The following PKN2 variants were observed in gnomAD, a reference collection of about 807,000 sequenced individuals.
The protein encoded by PKN2 is protein kinase N2.
A neutral mutation model predicts 119.1 loss-of-function variants in PKN2; 38 were observed. The ratio of observed to expected loss-of-function variants is 0.32; its 90% CI spans 0.25 to 0.42. The LOEUF (loss-of-function observed/expected upper bound fraction) is 0.42. PKN2 is among the 10% of genes least tolerant of loss of function. PKN2 has a pLI of 1.00. For missense variants in PKN2, 850 were observed against 1,165.1 expected, an observed-to-expected ratio of 0.73 and a Z score of 3.94; for synonymous variants, 390 against 384.9, an observed-to-expected ratio of 1.01 and a Z score of -0.15.
intron 2 of PKN2, among the ~76,000 whole-genome samples, chr1:88,749,477 T>C (rs2100760545): frequency 6.6e-6 from 1 of 152,262 alleles, no homozygotes; most frequent in Admixed American, 6.5e-5. Context: ...TTAAGAAAGC[T>C]TAAACCAGAG....
chr1:88,755,273 A>G (rs1669152796), intron 2 of PKN2, among the ~76,000 whole-genome samples: 1 of 152,200 alleles, frequency 6.6e-6, no homozygotes, highest in South Asian at 2.1e-4. Context: ...CTCAAATTTA[A>G]CGTACAAGGA....
intron 1 of PKN2, among the ~76,000 whole-genome samples, chr1:88,723,895 C>T (rs1667793108): frequency 6.6e-6 from 1 of 152,108 alleles, no homozygotes; most frequent in Admixed American, 6.6e-5. Flanking sequence ...GCCTTCTCAT[C>T]TATTTTTTCT....
In PKN2 at chr1:88,820,182, ATATATATATATATATATATATAT is replaced by A. The variant is rs1672193766; in HGVS notation, c.2280-1758_2280-1736del. Among the ~76,000 whole-genome samples the A allele has an allele frequency of 3.6e-3, 29 of 8,144 alleles. 1 individual carries two copies. The South Asian group carries it at 0.14, about 38-fold the overall frequency. 5.3% of individuals were successfully genotyped at this position (8,144 alleles called of 152,430 possible). On this transcript the variant is annotated intron_variant, in intron 16 of 21. Coordinates refer to ENST00000370521, the MANE Select transcript of PKN2 (RefSeq NM_006256.4). ...ATCAAACAAATCTTTTCAGAAACCTATATATATATATATATATATATATATATATATATATATATATATATATA... is the reference window on the plus strand; with the variant it reads ...ATCAAACAAATCTTTTCAGAAACCTAATATATATATATATATATATATATA...
At chr1:88,714,800 C>G (rs1455408030) in intron 1 of PKN2, among the ~76,000 whole-genome samples, 1 of 152,144 alleles carries the variant, frequency 6.6e-6, no homozygotes, top group African/African-American at 2.4e-5. Flanking sequence ...CCAGAACTTC[C>G]AATGCTGTGT....
intron 1 of PKN2, among the ~76,000 whole-genome samples, chr1:88,715,254 C>T (rs1281963197): frequency 6.6e-6 from 1 of 152,006 alleles, no homozygotes; most frequent in East Asian, 1.9e-4. Context: ...TGTATCTCTG[C>T]CAGGCTTTGC....
chr1:88,782,638 C>G (rs1670392883), intron 6 of PKN2, among the ~76,000 whole-genome samples: 1 of 151,542 alleles, frequency 6.6e-6, no homozygotes, highest in Non-Finnish European at 1.5e-5. Context: ...TTTTTAATCT[C>G]AGATATTGCC....
At chr1:88,796,517 T>A (rs1671073116) in intron 8 of PKN2, among the ~76,000 whole-genome samples, 1 of 152,234 alleles carries the variant, frequency 6.6e-6, no homozygotes, top group Non-Finnish European at 1.5e-5. Flanking sequence ...TATATGAAAC[T>A]GTTTCCTATC....
At chr1:88,714,938 A>G (rs933138889) in intron 1 of PKN2, among the ~76,000 whole-genome samples, 4 of 152,154 alleles carry the variant, frequency 2.6e-5, no homozygotes, top group Non-Finnish European at 5.9e-5. Context: ...TTATTTTGAG[A>G]TACGTCCCAT....
intron 1 of PKN2, among the ~76,000 whole-genome samples, chr1:88,733,537 T>G (rs1283002992): frequency 6.6e-6 from 1 of 152,196 alleles, no homozygotes; most frequent in Non-Finnish European, 1.5e-5. Flanking sequence ...TCAGGTTATT[T>G]GTTTGTTATT....
In PKN2 at chr1:88,828,344, G is replaced by A. The variant is rs956585730; in HGVS notation, c.2420-137G>A. The A allele has an allele frequency of 7.7e-6, 5 of 649,576 alleles. No individual in the cohort carries two copies. The African/African-American group carries it at 9.1e-5, about 12-fold the overall frequency. 40.2% of individuals were successfully genotyped at this position (649,576 alleles called of 1,614,324 possible). ...CCAGTCCTTACTGTTTTCTTGAAAT[G>A]TCTTAGATATGTCTGAATTTGTTCA... On this transcript the variant is annotated intron_variant, in intron 18 of 21. Coordinates refer to ENST00000370521, the MANE Select transcript of PKN2 (RefSeq NM_006256.4).
At chr1:88,764,246 T>C (rs1375558791) in intron 3 of PKN2, among the ~76,000 whole-genome samples, 1 of 152,228 alleles carries the variant, frequency 6.6e-6, no homozygotes, top group African/African-American at 2.4e-5. Context: ...TTGCACTTGC[T>C]ATATCTTTGC....
intron 2 of PKN2, among the ~76,000 whole-genome samples, chr1:88,759,730 T>G (rs1669361973): frequency 6.6e-6 from 1 of 152,158 alleles, no homozygotes; most frequent in Admixed American, 6.5e-5. Context: ...CAGAGAATAT[T>G]AGGAACACCT....
At chr1:88,736,328 G>T (rs1407273264) in intron 1 of PKN2, among the ~76,000 whole-genome samples, 1 of 151,684 alleles carries the variant, frequency 6.6e-6, no homozygotes, top group Non-Finnish European at 1.5e-5. Flanking sequence ...TATTTTGTTT[G>T]TTGCATGAAA....
intron 3 of PKN2, among the ~76,000 whole-genome samples, chr1:88,762,310 T>G (rs771951331): frequency 3.0e-4 from 45 of 152,212 alleles, no homozygotes; most frequent in Non-Finnish European, 5.7e-4. Context: ...TTTGCATAGC[T>G]TTTTATTTTT....
intron 1 of PKN2, among the ~76,000 whole-genome samples, chr1:88,706,071 TAA>T (rs1666991933): frequency 6.6e-6 from 1 of 150,988 alleles, no homozygotes; most frequent in South Asian, 2.1e-4. Flanking sequence ...AATCTTAGAT[TAA>T]GAGGAGAACT....
intron 6 of PKN2, among the ~76,000 whole-genome samples, chr1:88,781,798 G>T (rs1239609214): frequency 6.6e-6 from 1 of 152,062 alleles, no homozygotes; most frequent in Non-Finnish European, 1.5e-5. Flanking sequence ...TTACAGTTGA[G>T]CATTTACAGT....
chr1:88,809,506 T>C (rs1165195411), intron 15 of PKN2, among the ~76,000 whole-genome samples: 2 of 152,244 alleles, frequency 1.3e-5, no homozygotes, highest in African/African-American at 2.4e-5. Context: ...TCTGCTACCT[T>C]GTTACGTCTT....
chr1:88,713,849 T>C (rs983581610), intron 1 of PKN2, among the ~76,000 whole-genome samples: 1 of 152,216 alleles, frequency 6.6e-6, no homozygotes, highest in African/African-American at 2.4e-5. Context: ...ATGAAGTCCT[T>C]GCCCATGCCT....
At chr1:88,808,836 G>C (rs1200019401) in intron 15 of PKN2, among the ~76,000 whole-genome samples, 1 of 152,072 alleles carries the variant, frequency 6.6e-6, no homozygotes, top group Non-Finnish European at 1.5e-5. Context: ...AGAGAGCCCT[G>C]GACTATGACT....
Sources: allele counts gnomAD v4.1 joint callset (sites outside exome capture counted in the v4.1 genomes callset), GRCh38; gene constraint gnomAD v4.1.1; transcripts MANE v1.5; gene names NCBI Gene and HGNC (gene_info 2026-07-23, HGNC 2026-07-21).